Variants in SATL1 observed in about 807,000 individuals in gnomAD.
SATL1 encodes spermidine/spermine N(1)-acetyltransferase-like protein 1.
In SATL1, 47 loss-of-function variants were observed where a neutral mutation model predicts 51.8. That is an observed-to-expected ratio of 0.91 (90% confidence interval 0.72 to 1.16). The LOEUF is 1.16. Ranked by LOEUF, SATL1 falls within the 50% of genes most tolerant of loss-of-function variation. The pLI is 0.00. For missense variants in SATL1, 520 were observed against 526.4 expected (o/e 0.99, Z 0.12); for synonymous variants, 176 against 182.4 (o/e 0.97, Z 0.28).
At chrX:85,217,825 C>T (rs1367974318) in intron 2 of SATL1, among the ~76,000 whole-genome samples, 1 of 111,571 alleles carries the variant, frequency 9.0e-6, no homozygotes, top group East Asian at 2.8e-4. Context: ...ACTATAATTC[C>T]CCAAACTCCT....
intron 2 of SATL1, among the ~76,000 whole-genome samples, chrX:85,187,989 A>G (rs1172350588): frequency 1.8e-5 from 2 of 111,257 alleles, no homozygotes; most frequent in Non-Finnish European, 3.8e-5. Context: ...TAATTGTAAA[A>G]AGGAAACAAA....
At chrX:85,196,733 C>A (rs528774388) in intron 2 of SATL1, among the ~76,000 whole-genome samples, 1 of 111,129 alleles carries the variant, frequency 9.0e-6, no homozygotes, top group Admixed American at 9.7e-5. Flanking sequence ...CCAATAAAAT[C>A]CAATGGGAAC....
In SATL1 at chrX:85,108,378, G is replaced by A. The variant is rs1400344972; in HGVS notation, c.591C>T (p.Gly197=). 4 of 1,210,999 alleles carry A rather than the reference G, an allele frequency of 3.3e-6. No individual in the cohort carries two copies. The highest frequency in any genetic ancestry group is 2.2e-5 in the Admixed American group (1 of 45,990). ...NMSPPGMWQP[G]VQQPGISQQV... is the part of the protein sequence containing the mutation. The stretch of plus-strand genomic sequence containing the variant: ...GCTGGCTGATGCCTGGTTGTTGCAC[G>A]CCTGGTTGCCACATGCCTGGTGGAC... The change falls in exon 3 of 8, where the codon GGC becomes GGT. Residue 197 remains glycine, a synonymous_variant. Transcript: ENST00000644105.
chrX:85,158,708 C>T (rs184623946), intron 2 of SATL1, among the ~76,000 whole-genome samples: 31 of 110,956 alleles, frequency 2.8e-4, no homozygotes, highest in Admixed American at 2.0e-3. Flanking sequence ...TATGGCTTAA[C>T]GAACATAAAA....
intron 2 of SATL1, among the ~76,000 whole-genome samples, chrX:85,200,957 G>A (rs1927674799): frequency 9.0e-6 from 1 of 110,919 alleles, no homozygotes; most frequent in African/African-American, 3.3e-5. Context: ...AGAAATCTGT[G>A]AGGAACATGA....
At chrX:85,097,464 T>C (rs759593086) in intron 4 of SATL1, among the ~76,000 whole-genome samples, 17 of 112,246 alleles carry the variant, frequency 1.5e-4, no homozygotes, top group East Asian at 1.4e-3. Context: ...CAGCCTCCCA[T>C]GTAGCTGGGA....
At chrX:85,101,076 A>T (rs925014116) in intron 4 of SATL1, among the ~76,000 whole-genome samples, 2 of 112,429 alleles carry the variant, frequency 1.8e-5, no homozygotes, top group Middle Eastern at 9.1e-3. Flanking sequence ...ACCTCAACAT[A>T]AGTGCTAAAC....
rs745314749 is a variant in SATL1, at chrX:85,107,516, C to G, written c.1453G>C (p.Gly485Arg). The stretch of plus-strand genomic sequence containing the variant: ...TGGCTCAGGCCTGGCTGACTCGGCC[C>G]CGGTTCCCATATGCCTGGTTGGCCC... ...GRGQPGIWEPGPSQPGLSQQD... is the reference protein window; with the variant it reads ...GRGQPGIWEPRPSQPGLSQQD... The change falls in exon 3 of 8, where the codon GGG (glycine) becomes CGG (arginine). Residue 485 changes from glycine (G) to arginine (R), a missense_variant. Around this residue, in one of 3 missense-constraint regions of SATL1, gnomAD observed 488 missense variants for 474.3 expected, o/e 1.03. Coordinates refer to ENST00000644105, the MANE Select transcript of SATL1 (RefSeq NM_001367857.2). The G allele has an allele frequency of 1.6e-6, 2 of 1,212,168 alleles. No homozygotes were observed. Among genetic ancestry groups the G allele is most frequent in the Non-Finnish European group, 2.2e-6 (2 of 895,601 alleles).
chrX:85,100,208 C>T (rs145834277), intron 4 of SATL1, among the ~76,000 whole-genome samples: 1,980 of 65,905 alleles, frequency 0.03, 45 homozygotes, highest in African/African-American at 0.089. Context: ...CAAAACAAAA[C>T]GAAACAAAAA....
chrX:85,123,113 A>G (rs187683160), intron 2 of SATL1, among the ~76,000 whole-genome samples: 155 of 111,848 alleles, frequency 1.4e-3, no homozygotes, highest in African/African-American at 4.7e-3. Context: ...TAGTGCTACA[A>G]TGAACATATG....
At chrX:85,220,644 TAAAAAA>T (rs57383092) in intron 2 of SATL1, among the ~76,000 whole-genome samples, 2 of 24,156 alleles carry the variant, frequency 8.3e-5, no homozygotes, top group Admixed American at 8.9e-4. Flanking sequence ...ACTTCTGTGT[TAAAAAA>T]AAAAAAAAAA....
chrX:85,164,783 G>T (rs1234449997), intron 2 of SATL1, among the ~76,000 whole-genome samples: 5 of 106,291 alleles, frequency 4.7e-5, no homozygotes, highest in Non-Finnish European at 9.7e-5. Flanking sequence ...GGAGTTCAAT[G>T]GTGCGATTTC....
chrX:85,124,510 A>C (rs897266880), intron 2 of SATL1, among the ~76,000 whole-genome samples: 3 of 112,004 alleles, frequency 2.7e-5, no homozygotes, highest in Non-Finnish European at 5.6e-5. Flanking sequence ...CTAGGTGATC[A>C]ATAAATGCTA....
chrX:85,178,469 G>A (rs1927127024), intron 2 of SATL1, among the ~76,000 whole-genome samples: 1 of 109,660 alleles, frequency 9.1e-6, no homozygotes, highest in African/African-American at 3.3e-5. Flanking sequence ...GGCAGGTCTT[G>A]AACTCTTGGG....
At chrX:85,142,083 C>A (rs1305004779) in intron 2 of SATL1, among the ~76,000 whole-genome samples, 1 of 104,988 alleles carries the variant, frequency 9.5e-6, no homozygotes, top group African/African-American at 3.5e-5. Context: ...TATTATAAAA[C>A]AAGGAGATCA....
intron 1 of SATL1, among the ~76,000 whole-genome samples, chrX:85,227,275 T>G (rs1472125411): frequency 3.6e-5 from 4 of 111,769 alleles, no homozygotes; most frequent in African/African-American, 1.3e-4. Context: ...CCTATCTCTC[T>G]TCATTCTACC....
Position 85,109,678 on chromosome X carries a change from G to T in SATL1, c.-312-398C>A, listed in dbSNP as rs760836561. On this transcript the variant is annotated intron_variant, in intron 2 of 7. Coordinates refer to ENST00000644105, the MANE Select transcript of SATL1 (RefSeq NM_001367857.2). ...TGGAAACTAGTTGTCCCGATGAAGTGCTCAAGTCTCGAATGCAGATACTAC... is the reference window on the plus strand; with the variant it reads ...TGGAAACTAGTTGTCCCGATGAAGTTCTCAAGTCTCGAATGCAGATACTAC... Among the ~76,000 whole-genome samples the T allele has an allele frequency of 7.2e-5, 8 of 111,648 alleles. No homozygotes were observed. In the East Asian group the frequency reaches 2.2e-3, roughly 31 times the overall value.
chrX:85,132,872 CCTTT>C (rs1048521759), intron 2 of SATL1, among the ~76,000 whole-genome samples: 1 of 112,036 alleles, frequency 8.9e-6, no homozygotes, highest in Non-Finnish European at 1.9e-5. Context: ...TGATGCTATT[CCTTT>C]CTGTTTGTTA....
intron 2 of SATL1, among the ~76,000 whole-genome samples, chrX:85,131,228 T>C: frequency 8.9e-6 from 1 of 111,779 alleles, no homozygotes; most frequent in African/African-American, 3.2e-5. Context: ...AGTTGATCTG[T>C]CTAATGTTGA....
Sources: allele counts gnomAD v4.1 joint callset (sites outside exome capture counted in the v4.1 genomes callset), GRCh38; gene constraint gnomAD v4.1.1; regional missense constraint gnomAD v4.1.1; transcripts MANE v1.5; gene names NCBI Gene and HGNC (gene_info 2026-07-23, HGNC 2026-07-21).